Variants in ATP8A1 observed in about 807,000 individuals in gnomAD.
ATP8A1 encodes the protein phospholipid-transporting ATPase IA.
In ATP8A1, 90 loss-of-function variants were observed where a neutral mutation model predicts 177.7. The ratio of observed to expected loss-of-function variants is 0.51; its 90% CI spans 0.43 to 0.60. The LOEUF (loss-of-function observed/expected upper bound fraction) is 0.60. Among genes scored for constraint, ATP8A1 ranks in the 20% least tolerant of loss-of-function variants. ATP8A1 has a pLI of 0.00. For missense variants in ATP8A1, 1,072 were observed against 1,392.8 expected, an observed-to-expected ratio of 0.77 and a Z score of 3.67; for synonymous variants, 493 against 485.9, an observed-to-expected ratio of 1.01 and a Z score of -0.19.
intron 4 of ATP8A1, among the ~76,000 whole-genome samples, chr4:42,616,688 T>C (rs1246655886): frequency 2.0e-5 from 3 of 152,180 alleles, no homozygotes; most frequent in Non-Finnish European, 4.4e-5. Flanking sequence ...AATTACATAA[T>C]CTTATCATAT....
chr4:42,483,796 T>C (rs917615547), intron 25 of ATP8A1, among the ~76,000 whole-genome samples: 2 of 152,136 alleles, frequency 1.3e-5, no homozygotes, highest in Non-Finnish European at 2.9e-5. Context: ...AATATGAAAA[T>C]TGGCCTCCCA....
At chr4:42,589,797 C>A (rs1436923285) in intron 7 of ATP8A1, among the ~76,000 whole-genome samples, 3 of 151,494 alleles carry the variant, frequency 2.0e-5, no homozygotes, top group Admixed American at 6.6e-5. Context: ...AAAGAAAATA[C>A]TAAATGACAA....
At chr4:42,565,277 A>G (rs1731242102) in intron 15 of ATP8A1, among the ~76,000 whole-genome samples, 1 of 152,232 alleles carries the variant, frequency 6.6e-6, no homozygotes, top group Non-Finnish European at 1.5e-5. Flanking sequence ...TACTGGAATA[A>G]ATAAACTATC....
intron 20 of ATP8A1, among the ~76,000 whole-genome samples, chr4:42,543,017 G>A (rs1019997555): frequency 1.3e-5 from 2 of 152,162 alleles, no homozygotes; most frequent in African/African-American, 4.8e-5. Flanking sequence ...ATGAAAAAAT[G>A]TTAGGTGTTT....
intron 12 of ATP8A1, among the ~76,000 whole-genome samples, chr4:42,576,993 C>G (rs1732527188): frequency 6.6e-6 from 1 of 152,158 alleles, no homozygotes; most frequent in Non-Finnish European, 1.5e-5. Context: ...CAAAGGAAGA[C>G]AGTTATAATC....
chr4:42,603,421 G>C (rs978003287), intron 5 of ATP8A1, among the ~76,000 whole-genome samples: 3 of 152,096 alleles, frequency 2.0e-5, no homozygotes, highest in Admixed American at 2.0e-4. Flanking sequence ...TTGTCATCCT[G>C]TAATTTTGTT....
intron 16 of ATP8A1, 47 bp from the exon 17 acceptor site, chr4:42,552,657 TTG>T: frequency 7.5e-7 from 1 of 1,334,220 alleles, no homozygotes; most frequent in Non-Finnish European, 1.1e-6. Flanking sequence ...TGTGAACATT[TTG>T]ACACTGACAG....
intron 24 of ATP8A1, among the ~76,000 whole-genome samples, chr4:42,497,532 C>A (rs901011963): frequency 1.3e-5 from 2 of 152,068 alleles, no homozygotes; most frequent in African/African-American, 4.8e-5. Flanking sequence ...AAAAATGAGG[C>A]AAAGAATATT....
intron 24 of ATP8A1, among the ~76,000 whole-genome samples, chr4:42,487,413 G>A (rs889204532): frequency 6.6e-6 from 1 of 152,042 alleles, no homozygotes; most frequent in Non-Finnish European, 1.5e-5. Flanking sequence ...GCCCTACCGT[G>A]GTGAAGAAAC....
intron 30 of ATP8A1, among the ~76,000 whole-genome samples, chr4:42,450,224 G>A (rs1285496140): frequency 6.6e-6 from 1 of 152,118 alleles, no homozygotes; most frequent in South Asian, 2.1e-4. Context: ...GATGAACCAC[G>A]GTCACATAAT....
At chr4:42,417,169 T>C (rs565583112) in intron 35 of ATP8A1, among the ~76,000 whole-genome samples, 7 of 152,322 alleles carry the variant, frequency 4.6e-5, no homozygotes, top group Non-Finnish European at 2.9e-5. Flanking sequence ...AGTCTTATCT[T>C]ACACCTTTGG....
chr4:42,656,659 C>T (rs1741658162), intron 1 of ATP8A1, among the ~76,000 whole-genome samples, 166 bp downstream of exon 1: 1 of 152,180 alleles, frequency 6.6e-6, no homozygotes, highest in Non-Finnish European at 1.5e-5. Flanking sequence ...TCTGCGAGTA[C>T]ACTGGGGGCA....
chr4:42,485,785 A>G, intron 24 of ATP8A1, 117 bp from the exon 25 acceptor site: 1 of 844,082 alleles, frequency 1.2e-6, no homozygotes, highest in Non-Finnish European at 1.8e-6. Context: ...TTATGTTTCA[A>G]ATTGCTTTCA....
rs1202638643 is a variant in ATP8A1, at chr4:42,463,326, A to G, written c.2619+1364T>C. ...GTCTTTCCTGTGATGTTCTCGTGAT[A>G]GTGAATAACCATCTTGAGGTCTGAT... On this transcript the variant is annotated intron_variant, in intron 27 of 36. Coordinates refer to ENST00000381668, the MANE Select transcript of ATP8A1 (RefSeq NM_006095.2). Among the ~76,000 whole-genome samples, 3 of 152,174 alleles carry G rather than the reference A, an allele frequency of 2.0e-5. No individual in the cohort carries two copies. In the East Asian group the frequency reaches 5.8e-4, roughly 29 times the overall value.
intron 1 of ATP8A1, among the ~76,000 whole-genome samples, chr4:42,656,379 C>G (rs1123747): frequency 0.4 from 60,715 of 152,104 alleles, 13,717 homozygotes; most frequent in African/African-American, 0.62. Flanking sequence ...GCTTCGAGAG[C>G]CAAGGGACTA....
At chr4:42,413,921 G>A (rs1712921507) in intron 36 of ATP8A1, among the ~76,000 whole-genome samples, 1 of 152,244 alleles carries the variant, frequency 6.6e-6, no homozygotes, top group Non-Finnish European at 1.5e-5. Context: ...TTCCTTCAGA[G>A]GACATTCCCC....
chr4:42,438,881 A>G (rs919199742), intron 33 of ATP8A1, among the ~76,000 whole-genome samples: 3 of 152,194 alleles, frequency 2.0e-5, no homozygotes, highest in African/African-American at 7.2e-5. Context: ...TTTAGCGAAA[A>G]CAAGGAGTAT....
chr4:42,583,179 A>G (rs200932055), intron 9 of ATP8A1, among the ~76,000 whole-genome samples: 1 of 10,674 alleles, frequency 9.4e-5, no homozygotes. Context: ...AACTACACAA[A>G]TTCTGACACA....
chr4:42,433,423 T>C (rs6849059), intron 33 of ATP8A1, among the ~76,000 whole-genome samples: 64,624 of 151,728 alleles, frequency 0.43, 14,111 homozygotes, highest in African/African-American at 0.51. Context: ...CCGGTATAGG[T>C]CCTGAGACAT....
Sources: gnomAD v4.1 joint callset for allele counts (sites outside exome capture counted in the v4.1 genomes callset) on GRCh38, gnomAD v4.1.1 for gene constraint, MANE v1.5 for transcripts, NCBI Gene and HGNC (gene_info 2026-07-23, HGNC 2026-07-21) for gene names.